Variants in SFMBT1 observed in about 807,000 individuals in gnomAD.
The protein encoded by SFMBT1 is scm-like with four MBT domains protein 1.
A neutral mutation model predicts 108.7 loss-of-function variants in SFMBT1; 32 were observed. The observed-to-expected ratio is 0.29, with a 90% CI of 0.22 to 0.40. The LOEUF is 0.40. Ranked by LOEUF, SFMBT1 falls within the 10% of genes least tolerant of loss-of-function variation. The pLI, the probability that SFMBT1 is intolerant of heterozygous loss-of-function variation, is 1.00. For synonymous variants in SFMBT1, 348 were observed against 369.5 expected (o/e 0.94, Z 0.67); for missense variants, 816 against 1,059.6 (o/e 0.77, Z 3.19).
chr3:52,957,078 C>T (rs944297166), intron 2 of SFMBT1, among the ~76,000 whole-genome samples: 3 of 152,150 alleles, frequency 2.0e-5, no homozygotes, highest in Non-Finnish European at 2.9e-5. Context: ...AAAACCCCAT[C>T]GCTTCAGCCC....
At chr3:53,007,441 G>A (rs1299657436) in intron 1 of SFMBT1, among the ~76,000 whole-genome samples, 1 of 152,162 alleles carries the variant, frequency 6.6e-6, no homozygotes, top group East Asian at 1.9e-4. Flanking sequence ...TGGAATGTAT[G>A]CTGAAACAAA....
intron 1 of SFMBT1, among the ~76,000 whole-genome samples, chr3:52,978,796 C>T (rs951644485): frequency 6.6e-6 from 1 of 151,858 alleles, no homozygotes; most frequent in Admixed American, 6.6e-5. Context: ...AAATGAAGTA[C>T]GAATACATAC....
At chr3:53,045,544 G>A (rs1397337606) in intron 1 of SFMBT1, among the ~76,000 whole-genome samples, 2 of 143,004 alleles carry the variant, frequency 1.4e-5, no homozygotes, top group African/African-American at 2.5e-5. Flanking sequence ...GAGGCGCCCA[G>A]GCGCGCCCCT....
intron 5 of SFMBT1, 138 bp from the exon 6 acceptor site, chr3:52,932,446 T>C (rs1702887379): frequency 9.0e-6 from 7 of 777,928 alleles, no homozygotes; most frequent in Non-Finnish European, 1.4e-5. Flanking sequence ...TTGTCTATCA[T>C]CATACAAGCC....
chr3:52,921,669 T>C (rs1205150046), intron 11 of SFMBT1, 36 bp downstream of exon 11: 1 of 1,600,978 alleles, frequency 6.2e-7, no homozygotes, highest in South Asian at 1.1e-5. Context: ...CAAAGGAGAG[T>C]GGCCACAGGA....
chr3:52,974,019 G>C (rs967790099), intron 1 of SFMBT1, among the ~76,000 whole-genome samples: 5 of 152,118 alleles, frequency 3.3e-5, no homozygotes, highest in African/African-American at 4.8e-5. Flanking sequence ...TTGCAATAAT[G>C]CAAGAAAAAT....
intron 11 of SFMBT1, 37 bp downstream of exon 11, chr3:52,921,668 G>T (rs1052081884): frequency 6.2e-7 from 1 of 1,604,404 alleles, no homozygotes. Flanking sequence ...TCAAAGGAGA[G>T]TGGCCACAGG....
chr3:53,001,640 C>T lies in SFMBT1; in HGVS notation c.-130-32382G>A, dbSNP rs867780356. Among the ~76,000 whole-genome samples, 35 of 148,512 alleles carry T rather than the reference C, an allele frequency of 2.4e-4. 2 individuals are homozygous for T. Among genetic ancestry groups the T allele is most frequent in the African/African-American group, 7.3e-4 (30 of 41,032 alleles). ...TAGAAAAAGCCAGGCACAGTGGCCG[C>T]GCCTGTAAATTTTAGCACTTTAGAA... On this transcript the variant is annotated intron_variant, in intron 1 of 20. Coordinates refer to ENST00000394752, the MANE Select transcript of SFMBT1 (RefSeq NM_016329.4).
intron 1 of SFMBT1, chr3:53,019,155 G>A (rs1327021088): frequency 2.0e-5 from 3 of 152,168 alleles, no homozygotes; most frequent in African/African-American, 4.8e-5. Context: ...TTAACTGGAT[G>A]TGGTGGCCTG....
intron 12 of SFMBT1, among the ~76,000 whole-genome samples, chr3:52,920,039 C>T (rs1702473944): frequency 6.6e-6 from 1 of 152,220 alleles, no homozygotes; most frequent in African/African-American, 2.4e-5. Context: ...CATGTGAGGA[C>T]ACAACGAGAA....
intron 1 of SFMBT1, among the ~76,000 whole-genome samples, chr3:52,982,151 G>C (rs561077490): frequency 5.3e-5 from 8 of 152,098 alleles, no homozygotes; most frequent in Non-Finnish European, 1.2e-4. Context: ...GCTCATAAGG[G>C]CCTTTAAGGC....
At chr3:52,999,951 C>T (rs1477065033) in intron 1 of SFMBT1, among the ~76,000 whole-genome samples, 1 of 150,106 alleles carries the variant, frequency 6.7e-6, no homozygotes, top group African/African-American at 2.4e-5. Flanking sequence ...CTCTGCCTCC[C>T]GGGTTCAAGC....
chr3:52,906,076 A>G lies in SFMBT1; in HGVS notation c.2460+37T>C. ...TATTACATCCATAATTTATTGCTAA[A>G]GAGACATTACTAAAAATTATAGGTA... On this transcript the variant is annotated intron_variant, in intron 20 of 20. Coordinates refer to ENST00000394752, the MANE Select transcript of SFMBT1 (RefSeq NM_016329.4). 3.1e-6 allele frequency: 5 copies of G among 1,608,862 alleles called. No homozygotes were observed. In the South Asian group the frequency reaches 4.4e-5, roughly 14 times the overall value.
At chr3:52,912,803 T>C (rs966943381) in intron 15 of SFMBT1, among the ~76,000 whole-genome samples, 156 bp from the exon 16 acceptor site, 2 of 152,214 alleles carry the variant, frequency 1.3e-5, no homozygotes, top group African/African-American at 2.4e-5. Flanking sequence ...GTATCAGAGA[T>C]ATTACAGCCA....
intron 10 of SFMBT1, among the ~76,000 whole-genome samples, chr3:52,924,973 C>A (rs895496280): frequency 6.6e-6 from 1 of 152,100 alleles, no homozygotes; most frequent in Non-Finnish European, 1.5e-5. Flanking sequence ...GTAATCCCAG[C>A]ACTTTGGGAG....
At chr3:52,961,252 GAAAATTAAATGGTGGGTGCTAGGGGCT>G (rs1417298207) in intron 2 of SFMBT1, among the ~76,000 whole-genome samples, 1 of 152,146 alleles carries the variant, frequency 6.6e-6, no homozygotes, top group Non-Finnish European at 1.5e-5. Flanking sequence ...CATAGAAACA[GAAAATTAAATGGTGGGTGCTAGGGGCT>G]AGGGAAACTG....
At chr3:52,998,089 G>A (rs1261297287) in intron 1 of SFMBT1, among the ~76,000 whole-genome samples, 1 of 150,448 alleles carries the variant, frequency 6.6e-6, no homozygotes, top group Non-Finnish European at 1.5e-5. Context: ...AATGGGAACT[G>A]AGCTCTGCAT....
chr3:52,986,671 G>A (rs538088564), intron 1 of SFMBT1, among the ~76,000 whole-genome samples: 1 of 151,638 alleles, frequency 6.6e-6, no homozygotes, highest in South Asian at 2.1e-4. Context: ...AGCTACTCGG[G>A]AGGTTGAGGC....
Position 52,954,333 on chromosome 3 carries a change from T to C in SFMBT1, c.107A>G (p.Tyr36Cys), listed in dbSNP as rs763939966. Reference protein sequence around the residue: ...LEETGSTAVPYGSFKHVDTRL... With the variant: ...LEETGSTAVPCGSFKHVDTRL... ...ATTGCTTACATGTTTAAAAGACCCA[T>C]AGGGAACTGCTGTGGACCCTGTTTC... The change falls in exon 3 of 21, where the codon TAT becomes TGT. Residue 36 changes from tyrosine to cysteine, a missense_variant. By Grantham distance (194) the Tyr-to-Cys change is radical. This residue lies in a region of SFMBT1 where 495 missense variants were observed against 607.4 expected (regional missense o/e 0.81). Transcript: ENST00000394752. 18 of 1,613,164 alleles carry C rather than the reference T, an allele frequency of 1.1e-5. No individual in the cohort carries two copies. The East Asian group carries it at 1.3e-4, about 12-fold the overall frequency.
Sources: gnomAD v4.1 joint callset for allele counts (sites outside exome capture counted in the v4.1 genomes callset) on GRCh38, gnomAD v4.1.1 for gene constraint, gnomAD v4.1.1 regional missense constraint, MANE v1.5 for transcripts, NCBI Gene and HGNC (gene_info 2026-07-23, HGNC 2026-07-21) for gene names.